Variants in CYP27C1 observed in about 807,000 individuals in gnomAD.
CYP27C1 encodes the protein cytochrome P450 27C1.
CYP27C1 carries 29 observed loss-of-function variants against 40.6 expected under a neutral mutation model. That is an observed-to-expected ratio of 0.71 (90% CI 0.53 to 0.97). The LOEUF is 0.97. Ranked by LOEUF, CYP27C1 falls within the 50% of genes least tolerant of loss-of-function variation. The pLI is 0.00. For synonymous variants in CYP27C1, 198 were observed against 186.8 expected, an observed-to-expected ratio of 1.06 and a Z score of -0.49; for missense variants, 390 against 485.8, an observed-to-expected ratio of 0.80 and a Z score of 1.85.
rs575267325 is a variant in CYP27C1 at position 127,187,294 on chromosome 2, C to T, written c.1591G>A (p.Val531Met). The T allele has an allele frequency of 3.2e-5, 52 of 1,614,124 alleles. No homozygotes were observed. Among genetic ancestry groups the T allele is most frequent in the Non-Finnish European group, 3.9e-5 (46 of 1,180,010 alleles). Reference protein sequence around the residue: ...GLLTPGGPIHVRFVNRK With the variant: ...GLLTPGGPIHMRFVNRK ...GCTTACTTTCTGTTAACAAATCGCACGTGGATGGGCCCCCCTGGCGTCAGG... is the reference window on the plus strand; with the variant it reads ...GCTTACTTTCTGTTAACAAATCGCATGTGGATGGGCCCCCCTGGCGTCAGG... Residue 531 changes from valine to methionine, a missense_variant, in exon 9 of 9, where the codon GTG becomes ATG. Coordinates refer to ENST00000664447, the MANE Select transcript of CYP27C1 (RefSeq NM_001367502.1).
In CYP27C1 at chr2:127,193,788, C is replaced by T. The variant is rs1396937213; in HGVS notation, c.1293+1G>A. 6 of 1,614,220 alleles carry T rather than the reference C, an allele frequency of 3.7e-6. No individual in the cohort carries two copies. The highest frequency in any genetic ancestry group is 1.1e-5 in the South Asian group (1 of 91,084). ...GGCCACCCCCATGGCCCCAAACTCA[C>T]GCCTTTCGGAATCAGATACCCGCCA... is the stretch of plus-strand genomic sequence containing the variant. On this transcript the variant is annotated splice_donor_variant, in intron 7 of 8. Coordinates refer to ENST00000664447, the MANE Select transcript of CYP27C1 (RefSeq NM_001367502.1). LOFTEE classifies it high-confidence loss of function.
At chr2:127,194,444 G>A (rs999396132) in intron 6 of CYP27C1, among the ~76,000 whole-genome samples, 2 of 151,874 alleles carry the variant, frequency 1.3e-5, no homozygotes, top group East Asian at 1.9e-4. Flanking sequence ...GCTTTTTGTC[G>A]CAGCATTTCC....
chr2:127,204,122 C>T (rs181809501), intron 2 of CYP27C1, among the ~76,000 whole-genome samples: 79 of 151,074 alleles, frequency 5.2e-4, no homozygotes, highest in African/African-American at 1.8e-3. Context: ...AAAATTTAGC[C>T]GGGTGTGGTG....
At chr2:127,204,579 A>AAGAG (rs1375583448) in intron 2 of CYP27C1, among the ~76,000 whole-genome samples, 1 of 85,072 alleles carries the variant, frequency 1.2e-5, no homozygotes, top group African/African-American at 5.1e-5. Flanking sequence ...GAAAGAAAGA[A>AAGAG]AGAAAGAAAG....
intron 8 of CYP27C1, among the ~76,000 whole-genome samples, chr2:127,187,908 C>T (rs1682669482): frequency 1.3e-5 from 2 of 152,182 alleles, no homozygotes; most frequent in South Asian, 4.1e-4. Flanking sequence ...ACTTTGATTC[C>T]ATTTCTCATT....
intron 6 of CYP27C1, among the ~76,000 whole-genome samples, chr2:127,194,737 A>G (rs1032806688): frequency 6.6e-6 from 1 of 152,222 alleles, no homozygotes; most frequent in African/African-American, 2.4e-5. Context: ...TCTTCAGAGG[A>G]ACAAAGTCAA....
At position 127,204,512 on chromosome 2, in the gene CYP27C1, A is replaced by AG. The variant is rs1429894886; in HGVS notation, c.474-942dup. The stretch of plus-strand genomic sequence containing the variant: ...AGGAAGGAAGGAAGGAAGGAAAGAA[A>AG]GAAGGAAAGAAAGAAAGAAAGAAAG... On this transcript the variant is annotated intron_variant, in intron 2 of 8. Coordinates refer to ENST00000664447, the MANE Select transcript of CYP27C1 (RefSeq NM_001367502.1). 2.0e-3 allele frequency among the ~76,000 whole-genome samples: 101 copies of AG among 50,134 alleles called. 7 individuals are homozygous for AG. Among genetic ancestry groups the AG allele is most frequent in the African/African-American group, 6.2e-3 (96 of 15,552 alleles). The allele number at this position is 50,134 out of a possible 152,430, so 32.9% of individuals were successfully genotyped here. A position where few individuals can be genotyped will look rare whatever the true frequency, so the allele number is the denominator to read the frequency against.
chr2:127,203,226 T>C (rs1457439325), intron 3 of CYP27C1, 146 bp downstream of exon 3: 1 of 842,046 alleles, frequency 1.2e-6, no homozygotes, highest in Non-Finnish European at 1.8e-6. Context: ...CACACCAGGT[T>C]CACGTTAGCA....
At chr2:127,193,029 T>C (rs1682816524) in intron 8 of CYP27C1, 65 bp downstream of exon 8, 7 of 1,579,318 alleles carry the variant, frequency 4.4e-6, no homozygotes, top group Non-Finnish European at 6.0e-6. Context: ...TGGAAGTCTT[T>C]ATCCTGTTGT....
In CYP27C1 at chr2:127,190,331, CTTTTTTTTTTCT is replaced by C. The variant is rs1297415347; in HGVS notation, c.1497+2751_1497+2762del. 3.8e-3 allele frequency among the ~76,000 whole-genome samples: 460 copies of C among 120,204 alleles called. 8 individuals are homozygous for C. Among genetic ancestry groups the C allele is most frequent in the African/African-American group, 0.015 (446 of 29,974 alleles). 78.9% of individuals were successfully genotyped at this position (120,204 alleles called of 152,430 possible). On this transcript the variant is annotated intron_variant, in intron 8 of 8. Coordinates refer to ENST00000664447, the MANE Select transcript of CYP27C1 (RefSeq NM_001367502.1). ...ATTCCTGGTACTATTTGTGGCTTCTCTTTTTTTTTTCTTTTTTTTTTTTTTTTTTGAGACAGA... is the reference window on the plus strand; with the variant it reads ...ATTCCTGGTACTATTTGTGGCTTCTCTTTTTTTTTTTTTTTTTGAGACAGA...
chr2:127,187,405 G>C lies in CYP27C1; in HGVS notation c.1498-18C>G. On this transcript the variant is annotated intron_variant, in intron 8 of 8. Transcript: ENST00000664447. The stretch of plus-strand genomic sequence containing the variant: ...TGAAGCAACTAAGAAGAGAAAGAGA[G>C]AGAAGGGGTCAGAATTGGAACAGCA... 6.2e-7 allele frequency: 1 copy of C among 1,604,434 alleles called. No individual in the cohort carries two copies. The highest frequency in any genetic ancestry group is 8.5e-7 in the Non-Finnish European group (1 of 1,171,342).
At chr2:127,213,309 A>G (rs1683368295) in intron 1 of CYP27C1, among the ~76,000 whole-genome samples, 2 of 145,164 alleles carry the variant, frequency 1.4e-5, no homozygotes, top group African/African-American at 4.9e-5. Flanking sequence ...CAGAATTAGA[A>G]AAAAAAAAAC....
At chr2:127,190,793 A>C (rs1682751611) in intron 8 of CYP27C1, among the ~76,000 whole-genome samples, 1 of 150,878 alleles carries the variant, frequency 6.6e-6, no homozygotes, top group Non-Finnish European at 1.5e-5. Context: ...TAAAGATACA[A>C]AAAATTAGCT....
Position 127,196,318 on chromosome 2 carries a change from C to T in CYP27C1, c.1048-817G>A, listed in dbSNP as rs113375798. Among the ~76,000 whole-genome samples the T allele has an allele frequency of 0.075, 11,450 of 152,206 alleles. 538 individuals are homozygous for T. The highest frequency in any genetic ancestry group is 0.14 in the African/African-American group (5,692 of 41,522). On this transcript the variant is annotated intron_variant, in intron 5 of 8. Coordinates refer to ENST00000664447, the MANE Select transcript of CYP27C1 (RefSeq NM_001367502.1). This position sits in a 1 kb window ranked among gnomAD's most constrained non-coding sequence, Gnocchi z 4.5. ...CTTGTGATCTGCCCACCTCGGGTCT[C>T]CCAAAGTGCTGGGATTACAGGCGTG...
intron 1 of CYP27C1, among the ~76,000 whole-genome samples, chr2:127,212,794 A>G (rs1438371430): frequency 6.6e-6 from 1 of 152,232 alleles, no homozygotes; most frequent in Non-Finnish European, 1.5e-5. Flanking sequence ...CCTATTCAAC[A>G]TAGTATTGGA....
intron 8 of CYP27C1, among the ~76,000 whole-genome samples, chr2:127,190,176 AC>A (rs1184840769): frequency 6.6e-6 from 1 of 151,774 alleles, no homozygotes; most frequent in African/African-American, 2.4e-5. Context: ...AATTTGGATC[AC>A]TTATATTTTT....
Position 127,186,917 on chromosome 2 carries a change from G to C in CYP27C1, c.*354C>G, listed in dbSNP as rs1682637231. On this transcript the variant is annotated 3_prime_UTR_variant, in exon 9 of 9. Coordinates refer to ENST00000664447, the MANE Select transcript of CYP27C1 (RefSeq NM_001367502.1). This position sits in a 1 kb window ranked among gnomAD's most constrained non-coding sequence, Gnocchi z 4.5. Reference sequence around the variant, plus strand: ...ATTAGAGAACATATATTGAAGAACTGAATTTGTAAGTAAACCACCATTTCC... The same window carrying C: ...ATTAGAGAACATATATTGAAGAACTCAATTTGTAAGTAAACCACCATTTCC... 5.6e-6 allele frequency: 1 copy of C among 179,266 alleles called. No individual in the cohort carries two copies. 11.1% of individuals were successfully genotyped at this position (179,266 alleles called of 1,614,324 possible). A position where few individuals can be genotyped will look rare whatever the true frequency, so the allele number is the denominator to read the frequency against.
rs761154986 is a variant in CYP27C1, at chr2:127,193,234, C to G, written c.1357G>C (p.Glu453Gln). The G allele has an allele frequency of 5.0e-6, 8 of 1,614,216 alleles. No homozygotes were observed. In the South Asian group the frequency reaches 6.6e-5, roughly 13 times the overall value. ...YQDENFPRAKEFRPERWLRKG... is the reference protein window; with the variant it reads ...YQDENFPRAKQFRPERWLRKG... Reference sequence around the variant, plus strand: ...CGCAGCCAGCGCTCAGGCCGGAACTCCTTGGCCCGAGGGAAGTTCTCATCC... The same window carrying G: ...CGCAGCCAGCGCTCAGGCCGGAACTGCTTGGCCCGAGGGAAGTTCTCATCC... Residue 453 changes from glutamate (E) to glutamine (Q), a missense_variant, in exon 8 of 9, where the codon GAG (glutamate) becomes CAG (glutamine). By Grantham distance (29) the Glu-to-Gln change is conservative. Coordinates refer to ENST00000664447, the MANE Select transcript of CYP27C1 (RefSeq NM_001367502.1).
chr2:127,210,773 C>T lies in CYP27C1; in HGVS notation c.283-4683G>A, dbSNP rs1390297109. On this transcript the variant is annotated intron_variant, in intron 1 of 8. Transcript: ENST00000664447. ...AAAGATCAAAAAAGACAAAGAAGGG[C>T]ATTACATAATAGTAAAAGGAACAAT... Among the ~76,000 whole-genome samples, 3 of 151,580 alleles carry T rather than the reference C, an allele frequency of 2.0e-5. No individual in the cohort carries two copies. In the South Asian group the frequency reaches 6.2e-4, roughly 32 times the overall value.
Sources: gnomAD v4.1 joint callset for allele counts (sites outside exome capture counted in the v4.1 genomes callset) on GRCh38, gnomAD v4.1.1 for gene constraint, Gnocchi (gnomAD v3.1) non-coding constraint, MANE v1.5 for transcripts, NCBI Gene and HGNC (gene_info 2026-07-23, HGNC 2026-07-21) for gene names.